The following PLAC8 variants were observed in gnomAD, a reference collection of about 807,000 sequenced individuals.
PLAC8 encodes placenta-specific gene 8 protein.
In PLAC8, 6 loss-of-function variants were observed where a neutral mutation model predicts 12.6. That is an observed-to-expected ratio of 0.48 (90% CI 0.26 to 0.94). The LOEUF (loss-of-function observed/expected upper bound fraction) is 0.94. Among genes scored for constraint, PLAC8 ranks in the 40% least tolerant of loss-of-function variants. PLAC8 has a pLI of 0.14. For missense variants in PLAC8, 122 were observed against 152.7 expected (o/e 0.80, Z 1.06); for synonymous variants, 54 against 52.6 (o/e 1.03, Z -0.11).
At chr4:83,113,406 C>G (rs1026621457) in intron 1 of PLAC8, among the ~76,000 whole-genome samples, 1 of 152,204 alleles carries the variant, frequency 6.6e-6, no homozygotes, top group African/African-American at 2.4e-5. Flanking sequence ...ATGCCAGTGG[C>G]CTTGCAGAGC....
intron 4 of PLAC8, chr4:83,092,831 T>TG: frequency 6.8e-6 from 1 of 146,076 alleles, no homozygotes; most frequent in East Asian, 2.0e-4. Flanking sequence ...TTTTTTTTTT[T>TG]TTGAGACAGG....
chr4:83,107,141 A>T (rs1462117351), intron 2 of PLAC8, among the ~76,000 whole-genome samples: 1 of 151,274 alleles, frequency 6.6e-6, no homozygotes, highest in African/African-American at 2.4e-5. Flanking sequence ...CGGAGGTTGC[A>T]GTGAGTGGAG....
chr4:83,094,413 T>C (rs1290221424), intron 4 of PLAC8: 2 of 288,698 alleles, frequency 6.9e-6, no homozygotes, highest in Admixed American at 5.6e-5. Flanking sequence ...TTACAAGTGG[T>C]AAGTGCTTCC....
At chr4:83,112,783 C>G (rs1732454618) in intron 1 of PLAC8, among the ~76,000 whole-genome samples, 2 of 152,160 alleles carry the variant, frequency 1.3e-5, no homozygotes, top group Non-Finnish European at 2.9e-5. Context: ...AAAACAGAAA[C>G]AAATGTAAAA....
intron 3 of PLAC8, among the ~76,000 whole-genome samples, chr4:83,103,255 C>T (rs1351475697): frequency 6.6e-6 from 1 of 151,622 alleles, no homozygotes; most frequent in East Asian, 1.9e-4. Flanking sequence ...ATTAGCTGGG[C>T]ACGGTGGCGG....
At chr4:83,099,202 C>A (rs905076316) in intron 3 of PLAC8, among the ~76,000 whole-genome samples, 5 of 151,756 alleles carry the variant, frequency 3.3e-5, no homozygotes, top group Non-Finnish European at 7.4e-5. Context: ...TCACTTTGGT[C>A]CTCTTTAAAA....
intron 3 of PLAC8, among the ~76,000 whole-genome samples, chr4:83,101,346 C>T (rs1560454271): frequency 1.3e-5 from 2 of 152,198 alleles, no homozygotes; most frequent in Non-Finnish European, 2.9e-5. Flanking sequence ...TGCCCCACTG[C>T]ACTCCAGCCT....
intron 4 of PLAC8, chr4:83,093,832 G>A (rs529682177): frequency 1.3e-5 from 2 of 152,044 alleles, no homozygotes; most frequent in South Asian, 4.1e-4. Flanking sequence ...CTTAGATATT[G>A]ATACATTGAT....
intron 4 of PLAC8, among the ~76,000 whole-genome samples, chr4:83,092,114 A>C (rs186955845): frequency 6.6e-6 from 1 of 152,260 alleles, no homozygotes; most frequent in Non-Finnish European, 1.5e-5. Flanking sequence ...TGTAGGGTCC[A>C]AGTTGATGAG....
intron 4 of PLAC8, among the ~76,000 whole-genome samples, chr4:83,092,532 T>A (rs1010134711): frequency 2.7e-5 from 4 of 150,616 alleles, no homozygotes; most frequent in African/African-American, 7.3e-5. Context: ...TGAGCCACCA[T>A]GCCCAGCCTT....
At chr4:83,102,929 A>G (rs1221525911) in intron 3 of PLAC8, among the ~76,000 whole-genome samples, 1 of 151,348 alleles carries the variant, frequency 6.6e-6, no homozygotes, top group Non-Finnish European at 1.5e-5. Flanking sequence ...TACTAAAAAT[A>G]CAAAAAATTA....
At chr4:83,110,425 T>C (rs543074776) in intron 1 of PLAC8, among the ~76,000 whole-genome samples, 1 of 152,314 alleles carries the variant, frequency 6.6e-6, no homozygotes, top group South Asian at 2.1e-4. Context: ...TCACCCCTTT[T>C]ACAATAATTA....
In PLAC8 at chr4:83,091,375, A is replaced by T. The variant is rs149961307; in HGVS notation, c.*10-404T>A. Among the ~76,000 whole-genome samples the T allele has an allele frequency of 7.2e-3, 1,098 of 152,212 alleles. 11 individuals are homozygous for T. The highest frequency in any genetic ancestry group is 0.025 in the African/African-American group (1,027 of 41,512). Reference sequence around the variant, plus strand: ...CTGACAGTTTTCAGGAGGAGTAGTCAGGTATTTTGTGGAATGTGCCTCAGT... The same window carrying T: ...CTGACAGTTTTCAGGAGGAGTAGTCTGGTATTTTGTGGAATGTGCCTCAGT... On this transcript the variant is annotated intron_variant, in intron 4 of 4. Coordinates refer to ENST00000311507, the MANE Select transcript of PLAC8 (RefSeq NM_016619.3).
At chr4:83,110,287 C>G (rs887366804) in intron 1 of PLAC8, among the ~76,000 whole-genome samples, 2 of 139,106 alleles carry the variant, frequency 1.4e-5, no homozygotes, top group African/African-American at 6.0e-5. Flanking sequence ...TTAGATGGAC[C>G]CTGGATTCTA....
rs192355268 is a variant in PLAC8 at position 83,111,029 on chromosome 4, G to A, written c.-29-3079C>T. Among the ~76,000 whole-genome samples, 3 of 152,234 alleles carry A rather than the reference G, an allele frequency of 2.0e-5. No individual in the cohort carries two copies. In the East Asian group the frequency reaches 5.8e-4, roughly 29 times the overall value. On this transcript the variant is annotated intron_variant, in intron 1 of 4. Transcript: ENST00000311507. ...CAGGCAGGAGTGCAATGAATGGCAC[G>A]ATCATAATTCACTGCAGCCTGGAAC...
At chr4:83,107,620 CTTTTTTTTTTTTTTTTTTTTT>C (rs70946974) in intron 2 of PLAC8, among the ~76,000 whole-genome samples, 163 bp downstream of exon 2, 470 of 13,852 alleles carry the variant, frequency 0.034, 19 homozygotes, top group African/African-American at 0.071. Flanking sequence ...CATACGGAGG[CTTTTTTTTTTTTTTTTTTTTT>C]TTTTTTTTTT....
chr4:83,111,026 C>T (rs766050877), intron 1 of PLAC8, among the ~76,000 whole-genome samples: 1 of 152,084 alleles, frequency 6.6e-6, no homozygotes, highest in Non-Finnish European at 1.5e-5. Flanking sequence ...CAATGAATGG[C>T]ACGATCATAA....
intron 3 of PLAC8, among the ~76,000 whole-genome samples, chr4:83,102,306 C>T (rs1309701300): frequency 6.6e-6 from 1 of 151,968 alleles, no homozygotes; most frequent in Non-Finnish European, 1.5e-5. Flanking sequence ...CCAAGGCAGG[C>T]GGATCACTTG....
chr4:83,091,620 GCATGCTGTACTTTT>G (rs1731808888), intron 4 of PLAC8, among the ~76,000 whole-genome samples: 1 of 152,182 alleles, frequency 6.6e-6, no homozygotes, highest in African/African-American at 2.4e-5. Flanking sequence ...GAGTGCACTT[GCATGCTGTACTTTT>G]CATGCTGTAC....
Sources: gnomAD v4.1 joint callset for allele counts (sites outside exome capture counted in the v4.1 genomes callset) on GRCh38, gnomAD v4.1.1 for gene constraint, MANE v1.5 for transcripts, NCBI Gene and HGNC (gene_info 2026-07-23, HGNC 2026-07-21) for gene names.